The following THSD7B variants were observed in gnomAD, a reference collection of about 807,000 sequenced individuals.
THSD7B encodes thrombospondin type-1 domain-containing protein 7B.
Under a neutral mutation model 213.6 loss-of-function variants are expected in THSD7B, and 138 were observed. The observed-to-expected ratio is 0.65, with a 90% CI of 0.56 to 0.74. The LOEUF (loss-of-function observed/expected upper bound fraction) is 0.74, where lower values mean the gene tolerates loss of function less well. Ranked by LOEUF, THSD7B falls within the 30% of genes least tolerant of loss-of-function variation. The probability of loss-of-function intolerance (pLI) is 0.00; values close to 1 mark genes in which losing one functional copy is unlikely to be tolerated. For synonymous variants in THSD7B, 742 were observed against 687.0 expected (o/e 1.08, Z -1.25); for missense variants, 1,931 against 1,991.5 (o/e 0.97, Z 0.58).
chr2:137,184,577 T>A (rs1217799442), intron 7 of THSD7B, among the ~76,000 whole-genome samples: 1 of 152,172 alleles, frequency 6.6e-6, no homozygotes, highest in Non-Finnish European at 1.5e-5. Context: ...GTCTATCACT[T>A]ATGCAATCTA....
In THSD7B at chr2:137,455,085, C is replaced by T. The variant is rs138625565; in HGVS notation, c.3138+4062C>T. On this transcript the variant is annotated intron_variant, in intron 15 of 27. Coordinates refer to ENST00000409968, the MANE Select transcript of THSD7B (RefSeq NM_001316349.2). ...CTGCATATACTTATTCATTCTCCTC[C>T]ACTGCTTCTCTTTAGAATATGAGGT... Among the ~76,000 whole-genome samples the T allele has an allele frequency of 1.7e-4, 26 of 152,198 alleles. No homozygotes were observed. The East Asian group carries it at 4.6e-3, about 27-fold the overall frequency.
intron 2 of THSD7B, among the ~76,000 whole-genome samples, chr2:136,985,549 C>G (rs1685656707): frequency 6.6e-6 from 1 of 152,188 alleles, no homozygotes; most frequent in South Asian, 2.1e-4. Flanking sequence ...GGCAGCTTCC[C>G]CCTAGATTTC....
At chr2:137,629,626 C>T (rs1473758590) in intron 20 of THSD7B, among the ~76,000 whole-genome samples, 1 of 152,110 alleles carries the variant, frequency 6.6e-6, no homozygotes, top group Non-Finnish European at 1.5e-5. Context: ...AAAAACAAAA[C>T]ACAGATTTCA....
At position 137,141,236 on chromosome 2, in the gene THSD7B, G is replaced by A. The variant is rs77365439; in HGVS notation, c.1370-18977G>A. Among the ~76,000 whole-genome samples, 3 of 152,238 alleles carry A rather than the reference G, an allele frequency of 2.0e-5. No homozygotes were observed. The East Asian group carries it at 5.8e-4, about 29-fold the overall frequency. ...GACAGGAGATGCCAGAGTTCTCTGA[G>A]CATTACCACAGCTCTGTGGTAAACT... On this transcript the variant is annotated intron_variant, in intron 5 of 27. Coordinates refer to ENST00000409968, the MANE Select transcript of THSD7B (RefSeq NM_001316349.2).
At chr2:137,232,269 G>A (rs1283218349) in intron 8 of THSD7B, among the ~76,000 whole-genome samples, 1 of 152,184 alleles carries the variant, frequency 6.6e-6, no homozygotes, top group African/African-American at 2.4e-5. Context: ...AGAGTCTATG[G>A]ATGCATATAT....
intron 13 of THSD7B, among the ~76,000 whole-genome samples, chr2:137,406,979 CAT>C (rs1241608018): frequency 2.6e-5 from 4 of 152,134 alleles, no homozygotes; most frequent in Admixed American, 6.5e-5. Flanking sequence ...CCTGTACAAA[CAT>C]AACGCATCGG....
intron 10 of THSD7B, among the ~76,000 whole-genome samples, chr2:137,258,841 C>A (rs907154869): frequency 6.6e-6 from 1 of 151,958 alleles, no homozygotes; most frequent in Non-Finnish European, 1.5e-5. Context: ...CATGTCCCCC[C>A]CAACCCCTGA....
intron 1 of THSD7B, among the ~76,000 whole-genome samples, chr2:136,805,468 T>C (rs764618847): frequency 8.5e-5 from 13 of 152,174 alleles, no homozygotes; most frequent in Non-Finnish European, 1.8e-4. Flanking sequence ...GTGGTGGCCA[T>C]GAGAATGGAC....
chr2:136,858,826 G>T (rs1683215977), intron 1 of THSD7B, among the ~76,000 whole-genome samples: 1 of 152,168 alleles, frequency 6.6e-6, no homozygotes, highest in Non-Finnish European at 1.5e-5. Flanking sequence ...TCTTCCCATG[G>T]TGCGCCCTTA....
intron 3 of THSD7B, among the ~76,000 whole-genome samples, chr2:137,069,913 C>T (rs1687448750): frequency 6.6e-6 from 1 of 150,448 alleles, no homozygotes; most frequent in African/African-American, 2.4e-5. Context: ...AACTATATAT[C>T]TGTGGAAATA....
chr2:137,055,474 A>G (rs1486869436), intron 2 of THSD7B, among the ~76,000 whole-genome samples: 2 of 152,226 alleles, frequency 1.3e-5, no homozygotes, highest in African/African-American at 4.8e-5. Flanking sequence ...TTGTTGACAC[A>G]AAATGTGATT....
chr2:137,269,142 T>C (rs1408088111), intron 10 of THSD7B, among the ~76,000 whole-genome samples: 2 of 152,170 alleles, frequency 1.3e-5, no homozygotes, highest in Admixed American at 6.5e-5. Context: ...CTTAACTCTC[T>C]CTCTTCAAAG....
intron 20 of THSD7B, among the ~76,000 whole-genome samples, chr2:137,624,701 G>A (rs62168021): frequency 0.023 from 3,452 of 152,314 alleles, 51 homozygotes; most frequent in Non-Finnish European, 0.031. Context: ...AGATATTTAT[G>A]CAGCCAACAG....
chr2:137,283,882 C>A (rs532225580), intron 12 of THSD7B, among the ~76,000 whole-genome samples: 2 of 152,148 alleles, frequency 1.3e-5, no homozygotes, highest in East Asian at 3.9e-4. Flanking sequence ...TATCTCTTCC[C>A]AGCTTTGGTA....
chr2:136,911,443 A>T (rs1684256240), intron 2 of THSD7B, among the ~76,000 whole-genome samples: 1 of 152,198 alleles, frequency 6.6e-6, no homozygotes, highest in African/African-American at 2.4e-5. Context: ...GCATACATCC[A>T]AATTAAATGT....
chr2:137,639,409 T>C (rs542312288), intron 20 of THSD7B, among the ~76,000 whole-genome samples: 2 of 152,314 alleles, frequency 1.3e-5, no homozygotes, highest in East Asian at 3.9e-4. Flanking sequence ...GGCAAAAGTT[T>C]GCTGCAGGGG....
intron 1 of THSD7B, among the ~76,000 whole-genome samples, chr2:136,829,914 C>A (rs1682720461): frequency 6.6e-6 from 1 of 152,056 alleles, no homozygotes; most frequent in Non-Finnish European, 1.5e-5. Flanking sequence ...AATATCCTTT[C>A]CCTCTTGCCT....
At chr2:137,175,789 G>A (rs996102394) in intron 7 of THSD7B, among the ~76,000 whole-genome samples, 3 of 152,076 alleles carry the variant, frequency 2.0e-5, no homozygotes, top group Non-Finnish European at 2.9e-5. Context: ...ATGTTTTTAC[G>A]TCTGTGATTG....
At chr2:137,179,466 G>C (rs548924163) in intron 7 of THSD7B, among the ~76,000 whole-genome samples, 2 of 151,978 alleles carry the variant, frequency 1.3e-5, no homozygotes, top group South Asian at 4.2e-4. Flanking sequence ...CATTATGACA[G>C]AGTAATTTAT....
Sources: allele counts gnomAD v4.1 joint callset (sites outside exome capture counted in the v4.1 genomes callset), GRCh38; gene constraint gnomAD v4.1.1; transcripts MANE v1.5; gene names NCBI Gene and HGNC (gene_info 2026-07-23, HGNC 2026-07-21).